MUC5B: variants seen among roughly 807,000 people sequenced by gnomAD.
MUC5B encodes mucin 5B, oligomeric mucus/gel-forming.
In MUC5B, 116 loss-of-function variants were observed where a neutral mutation model predicts 376.9. The observed-to-expected ratio is 0.31, with a 90% CI of 0.26 to 0.36. MUC5B has a LOEUF of 0.36. Among genes scored for constraint, MUC5B ranks in the 10% least tolerant of loss-of-function variants. The probability of loss-of-function intolerance (pLI) is 1.00; values close to 1 mark genes in which losing one functional copy is unlikely to be tolerated. For synonymous variants in MUC5B, 3,517 were observed against 3,390.9 expected (o/e 1.04, Z -1.29); for missense variants, 7,165 against 7,769.9 (o/e 0.92, Z 2.93).
chr11:1,255,009 T>C, intron 35 of MUC5B, 32 bp from the exon 36 acceptor site: 1 of 1,551,030 alleles, frequency 6.4e-7, no homozygotes, highest in Non-Finnish European at 8.7e-7. Flanking sequence ...GCTCCCCAGA[T>C]TCCAGCCCCG....
At position 1,254,325 on chromosome 11, in the gene MUC5B, A is replaced by G; in HGVS notation, c.15451A>G (p.Met5151Val). The change falls in exon 34 of 49, where the codon ATG (methionine) becomes GTG (valine). Residue 5151 changes from methionine (M) to valine (V), a missense_variant. Physicochemically the swap from Met to Val is conservative, Grantham distance 21. Transcript: ENST00000529681. The stretch of plus-strand genomic sequence containing the variant: ...CATGGATATCGTCCTCACTGTCACC[A>G]TGGTGCATGGGAAGGAGGAGGGCCT... ...KSMDIVLTVT[M>V]VHGKEEGLIL... The G allele has an allele frequency of 6.2e-7, 1 of 1,605,018 alleles. No individual in the cohort carries two copies. Among genetic ancestry groups the G allele is most frequent in the Non-Finnish European group, 8.5e-7 (1 of 1,179,742 alleles).
At position 1,242,615 on chromosome 11, in the gene MUC5B, C is replaced by T; in HGVS notation, c.5735C>T (p.Thr1912Ile). 1.2e-6 allele frequency: 2 copies of T among 1,613,810 alleles called. No individual in the cohort carries two copies. The highest frequency in any genetic ancestry group is 1.7e-6 in the Non-Finnish European group (2 of 1,179,802). The change falls in exon 31 of 49, where the codon ACA becomes ATA. Residue 1912 changes from threonine (T) to isoleucine (I), a missense_variant. By Grantham distance (89) the Thr-to-Ile change is moderately conservative. This residue lies in a region of MUC5B where 897 missense variants were observed against 779.6 expected (regional missense o/e 1.15). Transcript: ENST00000529681. Reference protein sequence around the residue: ...GTTWILTKPTTTATTTASTGS... With the variant: ...GTTWILTKPTITATTTASTGS... ...ACCTGGATCCTCACAAAGCCGACCA[C>T]AACAGCCACTACGACTGCGTCCACT...
Position 1,248,569 on chromosome 11 carries a change from C to G in MUC5B, c.11689C>G (p.Pro3897Ala). ...PPVWISTTTT[P>A]TTSGSTVTPS... Reference sequence around the variant, plus strand: ...AGTGTGGATCAGCACAACCACCACACCCACAACCAGTGGCTCCACGGTGAC... The same window carrying G: ...AGTGTGGATCAGCACAACCACCACAGCCACAACCAGTGGCTCCACGGTGAC... The change falls in exon 31 of 49, where the codon CCC (proline) becomes GCC (alanine). Residue 3897 changes from proline (P) to alanine (A), a missense_variant. Around this residue, in one of 31 missense-constraint regions of MUC5B, gnomAD observed 242 missense variants for 199.0 expected, o/e 1.22. Coordinates refer to ENST00000529681, the MANE Select transcript of MUC5B (RefSeq NM_002458.3). The G allele has an allele frequency of 6.2e-7, 1 of 1,613,034 alleles. No homozygotes were observed. The highest frequency in any genetic ancestry group is 8.5e-7 in the Non-Finnish European group (1 of 1,179,454).
Position 1,246,938 on chromosome 11 carries a change from C to G in MUC5B, c.10058C>G (p.Pro3353Arg), listed in dbSNP as rs767151490. Residue 3353 changes from proline to arginine, a missense_variant, in exon 31 of 49, where the codon CCG becomes CGG. By Grantham distance (103) the Pro-to-Arg change is moderately radical. Transcript: ENST00000529681. ...RGSTVTPSSIPGTTHTATVLT... is the reference protein window; with the variant it reads ...RGSTVTPSSIRGTTHTATVLT... ...TCCACGGTGACCCCCTCCTCCATCC[C>G]GGGGACCACCCACACCGCCACAGTG... 1.0e-4 allele frequency: 165 copies of G among 1,608,254 alleles called. No individual in the cohort carries two copies. The highest frequency in any genetic ancestry group is 3.6e-4 in the East Asian group (16 of 44,706).
rs1862336678 is a variant in MUC5B, at chr11:1,243,084, G to C, written c.6204G>C (p.Gly2068=). The C allele has an allele frequency of 6.2e-7, 1 of 1,611,280 alleles. No homozygotes were observed. The highest frequency in any genetic ancestry group is 2.2e-5 in the East Asian group (1 of 44,744). The change falls in exon 31 of 49, where the codon GGG becomes GGC. Residue 2068 remains glycine, a synonymous_variant. Coordinates refer to ENST00000529681, the MANE Select transcript of MUC5B (RefSeq NM_002458.3). ...CAGCCACCCCCTCCTCCAGCCCAGG[G>C]ACGGCACTCACGCCTCCAGTGTGGA... is the stretch of plus-strand genomic sequence containing the variant. The part of the protein sequence containing the change: ...GFTATPSSSP[G]TALTPPVWIS...
At position 1,238,871 on chromosome 11, in the gene MUC5B, G is replaced by A. The variant is rs1387177595; in HGVS notation, c.3298G>A (p.Val1100Ile). ...GPTFAACRSQ[V>I]DSTKYYEACV... is the part of the protein sequence containing the mutation. ...AGCTGCACCTTGGCCTCACCCGCAGGTTGACTCCACCAAGTACTACGAGGC... is the reference window on the plus strand; with the variant it reads ...AGCTGCACCTTGGCCTCACCCGCAGATTGACTCCACCAAGTACTACGAGGC... The change falls in exon 26 of 49, where the codon GTT (valine) becomes ATT (isoleucine). Residue 1100 changes from valine to isoleucine, a missense_variant and splice_region_variant. By Grantham distance (29) the Val-to-Ile change is conservative. Around this residue, in one of 31 missense-constraint regions of MUC5B, gnomAD observed 143 missense variants for 193.2 expected, o/e 0.74. Coordinates refer to ENST00000529681, the MANE Select transcript of MUC5B (RefSeq NM_002458.3). 2.6e-6 allele frequency: 4 copies of A among 1,553,678 alleles called. No individual in the cohort carries two copies. The highest frequency in any genetic ancestry group is 3.5e-6 in the Non-Finnish European group (4 of 1,147,930).
chr11:1,234,446 C>T lies in MUC5B; in HGVS notation c.2479-83C>T, dbSNP rs1050317527. The T allele has an allele frequency of 2.6e-6, 4 of 1,522,316 alleles. No individual in the cohort carries two copies. In the African/African-American group the frequency reaches 5.5e-5, roughly 21 times the overall value. The allele number at this position is 1,522,316 out of a possible 1,614,324, so 94.3% of individuals were successfully genotyped here. ...GGCCCATGCGTTGCCCTGGGTGCTGCTGGGTGCGCCTGTCCCAGAGGGTGA... is the reference window on the plus strand; with the variant it reads ...GGCCCATGCGTTGCCCTGGGTGCTGTTGGGTGCGCCTGTCCCAGAGGGTGA... On this transcript the variant is annotated intron_variant, in intron 20 of 48. Coordinates refer to ENST00000529681, the MANE Select transcript of MUC5B (RefSeq NM_002458.3). The surrounding 1 kb of genome is among the most constrained non-coding windows in gnomAD (Gnocchi z 6.3).
intron 7 of MUC5B, among the ~76,000 whole-genome samples, 174 bp downstream of exon 7, chr11:1,227,955 T>C (rs970644045): frequency 5.9e-5 from 9 of 152,152 alleles, no homozygotes; most frequent in African/African-American, 2.2e-4. Flanking sequence ...CCGAGTGTGG[T>C]GACGTGCGTG....
At position 1,247,914 on chromosome 11, in the gene MUC5B, C is replaced by G; in HGVS notation, c.11034C>G (p.Ser3678Arg). The change falls in exon 31 of 49, where the codon AGC (serine) becomes AGG (arginine). Residue 3678 changes from serine (S) to arginine (R), a missense_variant. Physicochemically the swap from Ser to Arg is moderately radical, Grantham distance 110. This residue lies in a region of MUC5B where 90 missense variants were observed against 71.1 expected (regional missense o/e 1.27). Coordinates refer to ENST00000529681, the MANE Select transcript of MUC5B (RefSeq NM_002458.3). ...ACTGCCCCAGCACCCCGGCCACCAGCTCTACGGCCACGCCCTCCTCAACTC... is the reference window on the plus strand; with the variant it reads ...ACTGCCCCAGCACCCCGGCCACCAGGTCTACGGCCACGCCCTCCTCAACTC... ...YGHCPSTPAT[S>R]STATPSSTPG... 1.2e-6 allele frequency: 2 copies of G among 1,611,946 alleles called. No homozygotes were observed. Among genetic ancestry groups the G allele is most frequent in the Non-Finnish European group, 1.7e-6 (2 of 1,178,986 alleles).
Position 1,229,228 on chromosome 11 carries a change from C to T in MUC5B, c.1035C>T (p.Thr345=), listed in dbSNP as rs369164810. 1.3e-6 allele frequency: 2 copies of T among 1,599,470 alleles called. No homozygotes were observed. The highest frequency in any genetic ancestry group is 1.3e-5 in the African/African-American group (1 of 74,622). ...HQECGSPCTD[T]CSNPQRAQLC... ...AGTGTGGCTCACCCTGCACGGACACCTGCTCCAACCCCCAGCGCGCGCAGC... is the reference window on the plus strand; with the variant it reads ...AGTGTGGCTCACCCTGCACGGACACTTGCTCCAACCCCCAGCGCGCGCAGC... Residue 345 remains threonine (T), a synonymous_variant, in exon 9 of 49, where the codon ACC becomes ACT. Transcript: ENST00000529681.
In MUC5B at chr11:1,243,517, G is replaced by A; in HGVS notation, c.6637G>A (p.Ala2213Thr). Reference sequence around the variant, plus strand: ...CAGCAGTCCCCACACGGTGCGCACAGCCTGGACTTCGGCCACCTCGGGCAT... The same window carrying A: ...CAGCAGTCCCCACACGGTGCGCACAACCTGGACTTCGGCCACCTCGGGCAT... The part of the protein sequence containing the change: ...PPSSPHTVRT[A>T]WTSATSGILG... Residue 2213 changes from alanine to threonine, a missense_variant, in exon 31 of 49, where the codon GCC becomes ACC. By Grantham distance (58) the Ala-to-Thr change is moderately conservative. Around this residue, in one of 31 missense-constraint regions of MUC5B, gnomAD observed 67 missense variants for 103.0 expected, o/e 0.65. Coordinates refer to ENST00000529681, the MANE Select transcript of MUC5B (RefSeq NM_002458.3). 6.2e-7 allele frequency: 1 copy of A among 1,601,840 alleles called. No homozygotes were observed. Among genetic ancestry groups the A allele is most frequent in the Non-Finnish European group, 8.5e-7 (1 of 1,175,812 alleles).
Position 1,236,380 on chromosome 11 carries a change from CT to C in MUC5B, c.2881-5del. ...CGGCTTCCGGCAGCGTCTGCCTCCC[CT>C]GCAGAGCTACGAGCTGATCCTCCAA... On this transcript the variant is annotated splice_polypyrimidine_tract_variant and splice_region_variant and intron_variant, in intron 23 of 48. Transcript: ENST00000529681. 3 of 1,603,614 alleles carry C rather than the reference CT, an allele frequency of 1.9e-6. No homozygotes were observed. Among genetic ancestry groups the C allele is most frequent in the Non-Finnish European group, 2.6e-6 (3 of 1,173,374 alleles).
Position 1,251,340 on chromosome 11 carries a change from T to C in MUC5B, c.14460T>C (p.Thr4820=). The C allele has an allele frequency of 6.4e-7, 1 of 1,561,394 alleles. No homozygotes were observed. Among genetic ancestry groups the C allele is most frequent in the Non-Finnish European group, 8.8e-7 (1 of 1,140,138 alleles). Residue 4820 remains threonine, a synonymous_variant, in exon 31 of 49, where the codon ACT becomes ACC. Transcript: ENST00000529681. ...SSTLGTTRIL[T]ELTTTATTTA... ...CTCTGGGGACGACCCGGATCCTCAC[T>C]GAGCTGACCACAACAGCCACTACAA...
chr11:1,230,893 G>T (rs1316242151), intron 12 of MUC5B, 43 bp from the exon 13 acceptor site: 1 of 1,554,588 alleles, frequency 6.4e-7, no homozygotes, highest in Admixed American at 1.9e-5. Context: ...GTCGGGAATG[G>T]GTTCCTCCCC....
chr11:1,258,488 AG>A lies in MUC5B; in HGVS notation c.16593+125del. ...TCCTGCCCTGAGGGCCGATCCGCAC[AG>A]GGGCCCTGGACACGTCAGAGCTGGG... On this transcript the variant is annotated intron_variant, in intron 43 of 48. Transcript: ENST00000529681. This position sits in a 1 kb window ranked among gnomAD's most constrained non-coding sequence, Gnocchi z 5.5. 8.2e-7 allele frequency: 1 copy of A among 1,216,734 alleles called. No individual in the cohort carries two copies. The highest frequency in any genetic ancestry group is 1.1e-6 in the Non-Finnish European group (1 of 873,656). The allele number at this position is 1,216,734 out of a possible 1,614,324, so 75.4% of individuals were successfully genotyped here.
At position 1,255,231 on chromosome 11, in the gene MUC5B, C is replaced by A; in HGVS notation, c.15855C>A (p.Cys5285Ter). ...CTAGCACACCCACCCCCACCCCATGCCCACCACAGCCGCTCTGTGATCTGA... is the reference window on the plus strand; with the variant it reads ...CTAGCACACCCACCCCCACCCCATGACCACCACAGCCGCTCTGTGATCTGA... ...PVSSTPTPTP[C>*]PPQPLCDLML... Residue 5285 changes from cysteine (C) to a stop codon, truncating the protein, a stop_gained, in exon 36 of 49, where the codon TGC becomes TGA. Transcript: ENST00000529681. LOFTEE classifies it high-confidence loss of function. 1 of 1,532,238 alleles carries A rather than the reference C, an allele frequency of 6.5e-7. No homozygotes were observed. The highest frequency in any genetic ancestry group is 8.8e-7 in the Non-Finnish European group (1 of 1,134,790). 94.9% of individuals were successfully genotyped at this position (1,532,238 alleles called of 1,614,324 possible).
chr11:1,255,217 AC>A lies in MUC5B; in HGVS notation c.15846del (p.Thr5283ProfsTer11). The A allele has an allele frequency of 1.4e-6, 1 of 732,956 alleles. No homozygotes were observed. The highest frequency in any genetic ancestry group is 1.8e-6 in the Non-Finnish European group (1 of 541,298). 45.4% of individuals were successfully genotyped at this position (732,956 alleles called of 1,614,324 possible). A position where few individuals can be genotyped will look rare whatever the true frequency, so the allele number is the denominator to read the frequency against. On this transcript the variant is annotated frameshift_variant, in exon 36 of 49. Coordinates refer to ENST00000529681, the MANE Select transcript of MUC5B (RefSeq NM_002458.3). LOFTEE classifies it high-confidence loss of function. ...SPAAPVSSTPTPTPCPPQPLC... is the reference protein window; with the variant it reads ...SPAAPVSSTPXPTPCPPQPLC... ...CGCAGCCCCGGTGTCTAGCACACCC[AC>A]CCCCACCCCATGCCCACCACAGCCG...
Position 1,260,708 on chromosome 11 carries a change from C to T in MUC5B, c.17049C>T (p.Gly5683=). Residue 5683 remains glycine (G), a synonymous_variant, in exon 48 of 49, where the codon GGC becomes GGT. Coordinates refer to ENST00000529681, the MANE Select transcript of MUC5B (RefSeq NM_002458.3). ...AGGTCAACATCACCTTCTGCGAGGG[C>T]TCCTGCCCCGGAGCGTCCAAGTGAG... ...ETEVNITFCE[G]SCPGASKYSA... is the part of the protein sequence containing the mutation. 2 of 1,611,546 alleles carry T rather than the reference C, an allele frequency of 1.2e-6. No individual in the cohort carries two copies. The highest frequency in any genetic ancestry group is 2.2e-5 in the South Asian group (2 of 90,774).
chr11:1,230,914 TC>T (rs1179858456), intron 12 of MUC5B, 21 bp from the exon 13 acceptor site: 10 of 1,570,194 alleles, frequency 6.4e-6, no homozygotes, highest in Non-Finnish European at 8.6e-6. Flanking sequence ...AGAGCTGACC[TC>T]CCGCCCGCCT....
Sources: allele counts gnomAD v4.1 joint callset (sites outside exome capture counted in the v4.1 genomes callset), GRCh38; gene constraint gnomAD v4.1.1; regional missense constraint gnomAD v4.1.1; non-coding constraint Gnocchi (gnomAD v3.1); transcripts MANE v1.5; gene names NCBI Gene and HGNC (gene_info 2026-07-23, HGNC 2026-07-21).